Variants in SLC30A6 observed in about 807,000 individuals in gnomAD.
SLC30A6 encodes solute carrier family 30 member 6, also known as zinc transporter 6.
A neutral mutation model predicts 63.0 loss-of-function variants in SLC30A6; 55 were observed. The observed-to-expected ratio is 0.87, with a 90% CI of 0.70 to 1.09. SLC30A6 has a LOEUF of 1.09. Among genes scored for constraint, SLC30A6 ranks in the 50% least tolerant of loss-of-function variants. The pLI is 0.00. For synonymous variants in SLC30A6, 224 were observed against 186.1 expected (o/e 1.20, Z -1.66); for missense variants, 587 against 549.2 (o/e 1.07, Z -0.69).
chr2:32,206,377 C>T (rs1041508801), intron 11 of SLC30A6, among the ~76,000 whole-genome samples: 1 of 151,112 alleles, frequency 6.6e-6, no homozygotes, highest in Non-Finnish European at 1.5e-5. Flanking sequence ...ACCCGGGAGG[C>T]GGAGCTTGCA....
In SLC30A6 at chr2:32,181,729, A is replaced by G. The variant is rs1406726546; in HGVS notation, c.219-2544A>G. ...TAAAATACCAAAAAATGAGGTGGGC[A>G]TGGTGGCGCACTTTTGTAATCCCAG... On this transcript the variant is annotated intron_variant, in intron 4 of 13. Transcript: ENST00000282587. Among the ~76,000 whole-genome samples the G allele has an allele frequency of 2.6e-5, 4 of 152,034 alleles. 1 individual carries two copies. In the South Asian group the frequency reaches 8.3e-4, roughly 32 times the overall value.
Position 32,220,630 on chromosome 2 carries a change from G to A in SLC30A6, c.1303G>A (p.Ala435Thr), listed in dbSNP as rs1485590228. Residue 435 changes from alanine (A) to threonine (T), a missense_variant, in exon 14 of 14, where the codon GCA becomes ACA. By Grantham distance (58) the Ala-to-Thr change is moderately conservative. Transcript: ENST00000282587. ...NQGLGVPGIG[A>T]TQGLRTGFTN... ...AGGACTTGGAGTTCCAGGAATTGGA[G>A]CAACTCAAGGATTGAGGACTGGTTT... is the stretch of plus-strand genomic sequence containing the variant. 6.2e-7 allele frequency: 1 copy of A among 1,614,184 alleles called. No homozygotes were observed.
At chr2:32,202,202 T>G in intron 10 of SLC30A6, 1 of 817,068 alleles carries the variant, frequency 1.2e-6, no homozygotes, top group Admixed American at 2.6e-5. Context: ...CCTGTTCAAG[T>G]TAAGACCTTT....
chr2:32,205,447 T>G (rs1281782471), intron 11 of SLC30A6, among the ~76,000 whole-genome samples: 1 of 152,002 alleles, frequency 6.6e-6, no homozygotes. Flanking sequence ...TTTTTTTTAA[T>G]GCCCTCCCTT....
At chr2:32,201,310 C>G (rs1357901785) in intron 10 of SLC30A6, among the ~76,000 whole-genome samples, 1 of 152,270 alleles carries the variant, frequency 6.6e-6, no homozygotes, top group Non-Finnish European at 1.5e-5. Context: ...AGAACTTCAG[C>G]CAGTTTGAAT....
chr2:32,199,648 T>C (rs1468930049), intron 10 of SLC30A6, among the ~76,000 whole-genome samples: 2 of 152,182 alleles, frequency 1.3e-5, no homozygotes, highest in African/African-American at 2.4e-5. Context: ...AGATTTTATT[T>C]ATTCTAACTA....
intron 1 of SLC30A6, among the ~76,000 whole-genome samples, chr2:32,169,486 A>G (rs946271113): frequency 2.6e-5 from 4 of 152,088 alleles, no homozygotes; most frequent in African/African-American, 7.2e-5. Flanking sequence ...CAAGAAAAAG[A>G]TATATTTATT....
chr2:32,188,782 A>G lies in SLC30A6; in HGVS notation c.285-3554A>G, dbSNP rs566582660. Among the ~76,000 whole-genome samples, 15 of 152,348 alleles carry G rather than the reference A, an allele frequency of 9.8e-5. 1 individual carries two copies. The South Asian group carries it at 3.1e-3, about 32-fold the overall frequency. On this transcript the variant is annotated intron_variant, in intron 5 of 13. Transcript: ENST00000282587. The stretch of plus-strand genomic sequence containing the variant: ...AATTTTAAGAAATGAATACATTTGT[A>G]TAGTTACTATCTGGATCATGATATA...
chr2:32,214,722 A>G (rs1263193492), intron 13 of SLC30A6, among the ~76,000 whole-genome samples: 1 of 152,246 alleles, frequency 6.6e-6, no homozygotes, highest in African/African-American at 2.4e-5. Context: ...CTAAAAGTTA[A>G]TATCACAAAA....
chr2:32,183,556 T>C (rs986972165), intron 4 of SLC30A6, among the ~76,000 whole-genome samples: 13 of 151,638 alleles, frequency 8.6e-5, no homozygotes, highest in African/African-American at 2.9e-4. Flanking sequence ...GGCATGGTGG[T>C]GCATGCCTGT....
Position 32,171,319 on chromosome 2 carries a change from A to T in SLC30A6, c.36A>T (p.Arg12Ser). Reference protein sequence around the residue: ...GTIHLFRKPQRSFFGKLLREF... With the variant: ...GTIHLFRKPQSSFFGKLLREF... ...TTCATCTCTTTCGAAAACCACAAAG[A>T]TCCTTTTTTGGCAAGTTGTTACGGG... The change falls in exon 2 of 14, where the codon AGA becomes AGT. Residue 12 changes from arginine to serine, a missense_variant. Coordinates refer to ENST00000282587, the MANE Select transcript of SLC30A6 (RefSeq NM_017964.5). 5 of 1,613,884 alleles carry T rather than the reference A, an allele frequency of 3.1e-6. No individual in the cohort carries two copies. The highest frequency in any genetic ancestry group is 3.4e-6 in the Non-Finnish European group (4 of 1,179,850).
chr2:32,206,543 A>C (rs1684792737), intron 11 of SLC30A6, among the ~76,000 whole-genome samples: 1 of 152,132 alleles, frequency 6.6e-6, no homozygotes, highest in African/African-American at 2.4e-5. Flanking sequence ...CAGTAGTTCC[A>C]TCTCCAGAAA....
intron 10 of SLC30A6, chr2:32,203,206 T>C: frequency 1.8e-6 from 2 of 1,123,036 alleles, no homozygotes; most frequent in East Asian, 2.3e-5. Context: ...CCTCAGGATG[T>C]TGAGTCTATA....
In SLC30A6 at chr2:32,209,929, T is replaced by C. The variant is rs145057206; in HGVS notation, c.885+368T>C. 3.5e-4 allele frequency among the ~76,000 whole-genome samples: 53 copies of C among 152,222 alleles called. 1 individual carries two copies. Among genetic ancestry groups the C allele is most frequent in the Non-Finnish European group, 6.0e-4 (41 of 68,000 alleles). On this transcript the variant is annotated intron_variant, in intron 13 of 13. Transcript: ENST00000282587. ...GTGTAATTTCCAAATAAGAAAATGT[T>C]AAAAAAAATTAAAAGTGCAATTGCT...
At chr2:32,209,693 T>G in intron 13 of SLC30A6, 132 bp downstream of exon 13, 1 of 717,612 alleles carries the variant, frequency 1.4e-6, no homozygotes, top group East Asian at 2.9e-5. Context: ...GAGTCTAAAA[T>G]GTACATGAAT....
chr2:32,199,635 A>C (rs1323926734), intron 10 of SLC30A6, among the ~76,000 whole-genome samples: 1 of 152,142 alleles, frequency 6.6e-6, no homozygotes, highest in East Asian at 1.9e-4. Context: ...GCTATCAAAT[A>C]GTAGATTTTA....
chr2:32,196,187 C>T (rs573947770), intron 8 of SLC30A6, among the ~76,000 whole-genome samples: 85 of 152,070 alleles, frequency 5.6e-4, no homozygotes, highest in African/African-American at 1.9e-3. Flanking sequence ...TGGTGGCAGG[C>T]GCCTGTGATC....
intron 13 of SLC30A6, among the ~76,000 whole-genome samples, chr2:32,215,693 A>C (rs1034052357): frequency 1.3e-5 from 2 of 150,802 alleles, no homozygotes; most frequent in Admixed American, 1.3e-4. Flanking sequence ...ATTTTTCTTT[A>C]TTTATATCTT....
At chr2:32,165,994 C>T in intron 1 of SLC30A6, 91 bp downstream of exon 1, 1 of 1,563,086 alleles carries the variant, frequency 6.4e-7, no homozygotes, top group Non-Finnish European at 8.8e-7. Context: ...CCTCAGCCAC[C>T]CAGAGGAGGG....
Sources: gnomAD v4.1 joint callset for allele counts (sites outside exome capture counted in the v4.1 genomes callset) on GRCh38, gnomAD v4.1.1 for gene constraint, MANE v1.5 for transcripts, NCBI Gene and HGNC (gene_info 2026-07-23, HGNC 2026-07-21) for gene names.